Variants in RORA observed in about 807,000 individuals in gnomAD.
RORA encodes nuclear receptor ROR-alpha.
A neutral mutation model predicts 69.5 loss-of-function variants in RORA; 7 were observed. The ratio of observed to expected loss-of-function variants is 0.10; its 90% CI spans 0.06 to 0.19. The LOEUF (loss-of-function observed/expected upper bound fraction) is 0.19, where lower values mean the gene tolerates loss of function less well. Ranked by LOEUF, RORA falls within the 10% of genes least tolerant of loss-of-function variation. The pLI, the probability that RORA is intolerant of heterozygous loss-of-function variation, is 1.00. For synonymous variants in RORA, 261 were observed against 240.8 expected (o/e 1.08, Z -0.78); for missense variants, 457 against 663.0 (o/e 0.69, Z 3.41).
At chr15:60,663,003 C>T (rs1379889674) in intron 2 of RORA, among the ~76,000 whole-genome samples, 1 of 152,190 alleles carries the variant, frequency 6.6e-6, no homozygotes. Context: ...CCAATGGCTG[C>T]CTGATGCAGA....
At chr15:60,666,346 CTTTTTTTTTTT>C (rs1161494532) in intron 2 of RORA, among the ~76,000 whole-genome samples, 1 of 132,434 alleles carries the variant, frequency 7.6e-6, no homozygotes, top group East Asian at 2.0e-4. Context: ...TAATTTCTTT[CTTTTTTTTTTT>C]TTTTTTTTTG....
chr15:60,506,736 C>T (rs1361536783), intron 5 of RORA, among the ~76,000 whole-genome samples: 1 of 152,048 alleles, frequency 6.6e-6, no homozygotes, highest in Non-Finnish European at 1.5e-5. Flanking sequence ...TCTGTGATCC[C>T]AGCTACTTGA....
intron 1 of RORA, among the ~76,000 whole-genome samples, chr15:61,047,309 T>C (rs965834873): frequency 4.6e-5 from 7 of 152,274 alleles, no homozygotes; most frequent in African/African-American, 1.7e-4. Context: ...TAAGACAGAC[T>C]GACCAGGGGA....
At chr15:60,554,063 G>A (rs1430287990) in intron 2 of RORA, among the ~76,000 whole-genome samples, 4 of 151,996 alleles carry the variant, frequency 2.6e-5, no homozygotes, top group Non-Finnish European at 5.9e-5. Flanking sequence ...GAATATAAGC[G>A]GGTAGAGGAA....
chr15:60,772,132 T>C (rs2072085315), intron 1 of RORA, among the ~76,000 whole-genome samples: 1 of 152,192 alleles, frequency 6.6e-6, no homozygotes, highest in Non-Finnish European at 1.5e-5. Flanking sequence ...TAGGTATACA[T>C]GTGCCATGTT....
At chr15:60,705,584 A>G (rs886984005) in intron 1 of RORA, among the ~76,000 whole-genome samples, 3 of 152,228 alleles carry the variant, frequency 2.0e-5, no homozygotes, top group African/African-American at 7.2e-5. Flanking sequence ...GCCATTTTCT[A>G]AAAGCAGAGA....
chr15:61,177,625 A>G (rs1052575866), intron 1 of RORA, among the ~76,000 whole-genome samples: 2 of 152,066 alleles, frequency 1.3e-5, no homozygotes, highest in Non-Finnish European at 2.9e-5. Context: ...ATAAAATTAT[A>G]TAATAAGAAT....
At position 60,492,365 on chromosome 15, in the gene RORA, GGTTTT is replaced by G. The variant is rs1265550214; in HGVS notation, c.*5085_*5089del. On this transcript the variant is annotated 3_prime_UTR_variant, in exon 11 of 11. Transcript: ENST00000335670. ...TCGAGTTGCTGCTGTCATACAGGCA[GGTTTT>G]GTTTTGTCTTTAAACATTAGCTCTT... The G allele has an allele frequency of 6.6e-6, 1 of 152,226 alleles. No homozygotes were observed. The highest frequency in any genetic ancestry group is 2.1e-4 in the South Asian group (1 of 4,822). 9.4% of individuals were successfully genotyped at this position (152,226 alleles called of 1,614,324 possible). A position where few individuals can be genotyped will look rare whatever the true frequency, so the allele number is the denominator to read the frequency against.
chr15:60,540,960 A>T (rs2066853784), intron 2 of RORA, among the ~76,000 whole-genome samples: 1 of 152,190 alleles, frequency 6.6e-6, no homozygotes, highest in South Asian at 2.1e-4. Flanking sequence ...GAGGACTGTT[A>T]AGAGAATTAG....
At chr15:60,819,393 T>C (rs764780140) in intron 1 of RORA, among the ~76,000 whole-genome samples, 5 of 152,174 alleles carry the variant, frequency 3.3e-5, no homozygotes, top group East Asian at 1.9e-4. Context: ...GAGAACCAGG[T>C]TGACAATCAG....
intron 2 of RORA, among the ~76,000 whole-genome samples, chr15:60,549,823 T>C (rs2067179494): frequency 6.6e-6 from 1 of 152,082 alleles, no homozygotes; most frequent in Non-Finnish European, 1.5e-5. Context: ...CAGCCTACAA[T>C]AGGACACCAG....
At chr15:60,916,485 G>A (rs538512903) in intron 1 of RORA, among the ~76,000 whole-genome samples, 6 of 152,316 alleles carry the variant, frequency 3.9e-5, no homozygotes, top group South Asian at 2.1e-4. Context: ...GGAAGCAGTC[G>A]ATGAGGAAGT....
intron 2 of RORA, among the ~76,000 whole-genome samples, chr15:60,617,981 T>A (rs2069301817): frequency 6.6e-6 from 1 of 152,222 alleles, no homozygotes; most frequent in Non-Finnish European, 1.5e-5. Flanking sequence ...AAACTCTGGT[T>A]CTTAAAACTA....
chr15:61,046,397 G>A (rs2140486593), intron 1 of RORA, among the ~76,000 whole-genome samples: 1 of 152,250 alleles, frequency 6.6e-6, no homozygotes, highest in South Asian at 2.1e-4. Context: ...GAGGTGGTGG[G>A]GAGACAGCCA....
chr15:60,661,288 T>C (rs2070300825), intron 2 of RORA, among the ~76,000 whole-genome samples: 2 of 152,230 alleles, frequency 1.3e-5, no homozygotes. Flanking sequence ...ATCTGTAAAA[T>C]GGCAAATGTA....
intron 2 of RORA, among the ~76,000 whole-genome samples, chr15:60,552,832 AT>A (rs2067261145): frequency 6.6e-6 from 1 of 152,240 alleles, no homozygotes; most frequent in South Asian, 2.1e-4. Flanking sequence ...GAGAAAGTTA[AT>A]AACTACTCTT....
chr15:61,118,001 A>C (rs1057194446), intron 1 of RORA, among the ~76,000 whole-genome samples: 1 of 152,276 alleles, frequency 6.6e-6, no homozygotes, highest in East Asian at 1.9e-4. Context: ...TGACTCATAC[A>C]TTTATTCAAC....
At chr15:60,789,416 A>G (rs1421474807) in intron 1 of RORA, among the ~76,000 whole-genome samples, 1 of 152,246 alleles carries the variant, frequency 6.6e-6, no homozygotes, top group South Asian at 2.1e-4. Context: ...TCTTCCTTCT[A>G]TTCCATGGCC....
chr15:60,729,436 C>T (rs1019054419), intron 1 of RORA, among the ~76,000 whole-genome samples: 1 of 152,142 alleles, frequency 6.6e-6, no homozygotes, highest in African/African-American at 2.4e-5. Context: ...GGATTCTAGT[C>T]CCAGATTAGT....
Sources: gnomAD v4.1 joint callset for allele counts (sites outside exome capture counted in the v4.1 genomes callset) on GRCh38, gnomAD v4.1.1 for gene constraint, MANE v1.5 for transcripts, NCBI Gene and HGNC (gene_info 2026-07-23, HGNC 2026-07-21) for gene names.